Variants in RBFOX1 observed in about 807,000 individuals in gnomAD.
RBFOX1 encodes RNA binding protein fox-1 homolog 1.
In RBFOX1, 8 loss-of-function variants were observed where a neutral mutation model predicts 57.7. That is an observed-to-expected ratio of 0.14 (90% CI 0.08 to 0.25). The LOEUF (loss-of-function observed/expected upper bound fraction) is 0.25, where lower values mean the gene tolerates loss of function less well. RBFOX1 is among the 10% of genes least tolerant of loss of function. The pLI is 1.00. For synonymous variants in RBFOX1, 326 were observed against 222.4 expected (o/e 1.47, Z -4.15); for missense variants, 611 against 548.5 (o/e 1.11, Z -1.14).
intron 3 of RBFOX1, among the ~76,000 whole-genome samples, chr16:6,733,863 A>G (rs1423951337): frequency 6.6e-6 from 1 of 152,234 alleles, no homozygotes; most frequent in East Asian, 1.9e-4. Context: ...ACGTTCACCC[A>G]GAACGCAGGG....
At chr16:5,489,962 A>AGACCCAGGCCTGGCCTGTTATT in intron 2 of RBFOX1, among the ~76,000 whole-genome samples, 1 of 152,344 alleles carries the variant, frequency 6.6e-6, no homozygotes, top group Middle Eastern at 3.4e-3. Flanking sequence ...GAAGGAGGTC[A>AGACCCAGGCCTGGCCTGTTATT]GACCCAGGCC....
intron 4 of RBFOX1, among the ~76,000 whole-genome samples, chr16:7,086,289 T>C (rs1004369550): frequency 1.3e-5 from 2 of 152,192 alleles, no homozygotes; most frequent in Non-Finnish European, 2.9e-5. Context: ...TAAGCAGTTT[T>C]CTCTGTGTGC....
chr16:5,868,653 T>G (rs149514969), intron 4 of RBFOX1, among the ~76,000 whole-genome samples: 313 of 152,250 alleles, frequency 2.1e-3, no homozygotes, highest in African/African-American at 7.2e-3. Context: ...GTGTGAGTGA[T>G]TTCAGATGCC....
At chr16:6,012,097 C>T (rs2094964617) in intron 4 of RBFOX1, among the ~76,000 whole-genome samples, 1 of 152,180 alleles carries the variant, frequency 6.6e-6, no homozygotes, top group Admixed American at 6.5e-5. Flanking sequence ...ATTTAATTCT[C>T]CCGACAATGC....
chr16:7,264,850 G>C (rs2095065515), intron 4 of RBFOX1, among the ~76,000 whole-genome samples: 1 of 152,170 alleles, frequency 6.6e-6, no homozygotes, highest in South Asian at 2.1e-4. Context: ...TGATGAGAAA[G>C]CATAGAAAAA....
intron 4 of RBFOX1, among the ~76,000 whole-genome samples, chr16:7,237,730 G>C (rs564855879): frequency 5.3e-5 from 8 of 152,372 alleles, no homozygotes; most frequent in African/African-American, 1.7e-4. Flanking sequence ...CTGGCCGACT[G>C]TGTGGTGGCT....
At position 6,987,636 on chromosome 16, in the gene RBFOX1, T is replaced by C. The variant is rs1033360671; in HGVS notation, c.-15-64421T>C. Among the ~76,000 whole-genome samples, 5 of 152,314 alleles carry C rather than the reference T, an allele frequency of 3.3e-5. No homozygotes were observed. In the East Asian group the frequency reaches 7.7e-4, roughly 24 times the overall value. ...ATGGAATTTCCATTCCGTTGAAATATAGCTCATGACTGGGGCCTCCACTGA... is the reference window on the plus strand; with the variant it reads ...ATGGAATTTCCATTCCGTTGAAATACAGCTCATGACTGGGGCCTCCACTGA... On this transcript the variant is annotated intron_variant, in intron 3 of 15. Coordinates refer to ENST00000550418, the MANE Select transcript of RBFOX1 (RefSeq NM_018723.4).
chr16:6,494,768 A>G (rs1640961), intron 2 of RBFOX1, among the ~76,000 whole-genome samples: 19,974 of 152,270 alleles, frequency 0.13, 2,062 homozygotes, highest in East Asian at 0.43. Context: ...TTGGAAGTCA[A>G]TGCCAGTTGC....
intron 2 of RBFOX1, among the ~76,000 whole-genome samples, chr16:6,549,511 G>A (rs1349230508): frequency 1.0e-5 from 1 of 100,024 alleles, no homozygotes; most frequent in African/African-American, 6.2e-5. Context: ...GAGGGGAAGA[G>A]GAGGAGGAGA....
intron 1 of RBFOX1, among the ~76,000 whole-genome samples, chr16:6,103,167 A>G (rs183342267): frequency 8.9e-4 from 136 of 152,334 alleles, no homozygotes; most frequent in African/African-American, 3.1e-3. Context: ...GGGATAAGCC[A>G]GTTCCATCCA....
intron 1 of RBFOX1, among the ~76,000 whole-genome samples, chr16:5,320,043 C>T (rs1245650539): frequency 6.6e-6 from 1 of 152,144 alleles, no homozygotes; most frequent in Non-Finnish European, 1.5e-5. Context: ...TAGCTATGTG[C>T]CCAGGAGGTA....
At chr16:7,192,141 G>A (rs1041629633) in intron 4 of RBFOX1, among the ~76,000 whole-genome samples, 2 of 152,204 alleles carry the variant, frequency 1.3e-5, no homozygotes, top group African/African-American at 2.4e-5. Context: ...TGGGGGAAGG[G>A]GGTAGGTAGT....
intron 3 of RBFOX1, among the ~76,000 whole-genome samples, chr16:7,039,277 C>G (rs545419798): frequency 6.6e-6 from 1 of 152,122 alleles, no homozygotes; most frequent in Non-Finnish European, 1.5e-5. Context: ...TAGTACTTAG[C>G]CTTGACAAGC....
intron 3 of RBFOX1, among the ~76,000 whole-genome samples, chr16:6,798,586 A>T (rs562071312): frequency 5.3e-5 from 8 of 152,358 alleles, no homozygotes; most frequent in African/African-American, 1.7e-4. Flanking sequence ...AGCTGTCTGT[A>T]TTCAAAGACA....
intron 3 of RBFOX1, among the ~76,000 whole-genome samples, chr16:6,882,940 G>A (rs2063257630): frequency 6.6e-6 from 1 of 152,134 alleles, no homozygotes; most frequent in African/African-American, 2.4e-5. Flanking sequence ...GTCTTAGGCG[G>A]CTTCCCCTCC....
intron 3 of RBFOX1, among the ~76,000 whole-genome samples, chr16:6,736,132 C>T (rs1263365131): frequency 1.3e-5 from 2 of 151,804 alleles, no homozygotes; most frequent in Admixed American, 1.3e-4. Context: ...CAATTTATGT[C>T]CATGTTGTTA....
At chr16:6,809,862 G>T (rs116268290) in intron 3 of RBFOX1, among the ~76,000 whole-genome samples, 1,650 of 152,128 alleles carry the variant, frequency 0.011, 33 homozygotes, top group African/African-American at 0.038. Flanking sequence ...CACCAGTCCG[G>T]TGCCTTTCTG....
chr16:7,250,792 C>G (rs987422176), intron 4 of RBFOX1, among the ~76,000 whole-genome samples: 2 of 152,146 alleles, frequency 1.3e-5, no homozygotes, highest in East Asian at 1.9e-4. Context: ...AATCAGGCAC[C>G]AAGACAGCTG....
intron 2 of RBFOX1, among the ~76,000 whole-genome samples, chr16:6,650,470 C>T (rs936086404): frequency 1.3e-5 from 2 of 152,066 alleles, no homozygotes; most frequent in Non-Finnish European, 2.9e-5. Context: ...TTGTGTGATT[C>T]AGTATGAGTT....
Sources: gnomAD v4.1 joint callset for allele counts (sites outside exome capture counted in the v4.1 genomes callset) on GRCh38, gnomAD v4.1.1 for gene constraint, MANE v1.5 for transcripts, NCBI Gene and HGNC (gene_info 2026-07-23, HGNC 2026-07-21) for gene names.